VAV3: variants seen among roughly 807,000 people sequenced by gnomAD.
VAV3 encodes the protein guanine nucleotide exchange factor VAV3.
A neutral mutation model predicts 131.2 loss-of-function variants in VAV3; 94 were observed. The observed-to-expected ratio is 0.72, with a 90% CI of 0.61 to 0.85. VAV3 has a LOEUF of 0.85. Among genes scored for constraint, VAV3 ranks in the 40% least tolerant of loss-of-function variants. The pLI, the probability that VAV3 is intolerant of heterozygous loss-of-function variation, is 0.00. For missense variants in VAV3, 939 were observed against 1,002.7 expected (o/e 0.94, Z 0.86); for synonymous variants, 349 against 342.0 (o/e 1.02, Z -0.22).
intron 17 of VAV3, among the ~76,000 whole-genome samples, chr1:107,696,367 C>T (rs1156432921): frequency 6.6e-6 from 1 of 152,194 alleles, no homozygotes; most frequent in Non-Finnish European, 1.5e-5. Context: ...TTATAGTCAG[C>T]CTATAGTGCT....
At chr1:107,687,656 T>G (rs1040261414) in intron 18 of VAV3, among the ~76,000 whole-genome samples, 10 of 152,162 alleles carry the variant, frequency 6.6e-5, no homozygotes, top group Non-Finnish European at 1.3e-4. Flanking sequence ...TGTCTGAAAT[T>G]TTATAATTTT....
chr1:107,681,811 C>A (rs528047679), intron 19 of VAV3, among the ~76,000 whole-genome samples: 3 of 151,938 alleles, frequency 2.0e-5, no homozygotes, highest in Non-Finnish European at 4.4e-5. Flanking sequence ...CCGCCACCAC[C>A]CCCAGCTATT....
intron 1 of VAV3, among the ~76,000 whole-genome samples, chr1:107,898,221 G>A (rs1198551256): frequency 6.6e-6 from 1 of 152,044 alleles, no homozygotes; most frequent in Non-Finnish European, 1.5e-5. Flanking sequence ...ATACATGTAG[G>A]GAATTACACA....
intron 20 of VAV3, among the ~76,000 whole-genome samples, chr1:107,629,752 T>C (rs1487942447): frequency 6.6e-6 from 1 of 152,180 alleles, no homozygotes; most frequent in African/African-American, 2.4e-5. Context: ...AAAATGCAGA[T>C]AGCCCATTCA....
At position 107,681,136 on chromosome 1, in the gene VAV3, C is replaced by T. The variant is rs149890807; in HGVS notation, c.1777+2352G>A. Among the ~76,000 whole-genome samples, 818 of 152,162 alleles carry T rather than the reference C, an allele frequency of 5.4e-3. 10 individuals carry two copies. Among genetic ancestry groups the T allele is most frequent in the African/African-American group, 0.018 (754 of 41,506 alleles). ...TTGGACCTGGTGAAGTAGTTACACC[C>T]GGCCTCCTAAACTCTTTAATCAGTT... is the stretch of plus-strand genomic sequence containing the variant. On this transcript the variant is annotated intron_variant, in intron 19 of 26. Coordinates refer to ENST00000370056, the MANE Select transcript of VAV3 (RefSeq NM_006113.5).
At chr1:107,731,829 A>C (rs10430093) in intron 15 of VAV3, among the ~76,000 whole-genome samples, 1,574 of 152,330 alleles carry the variant, frequency 0.01, 23 homozygotes, top group South Asian at 0.044. Flanking sequence ...TGAATTTATA[A>C]AACTGTATAG....
At position 107,779,472 on chromosome 1, in the gene VAV3, T is replaced by C. The variant is rs1358793302; in HGVS notation, c.342A>G (p.Arg114=). ...CCAATGCTATAGGTGTTCGAGAAAG[T>C]CGTGATAATGTTTCTATAACCTGAG... ...DFGKVIETLS[R]LSRTPIALAT... is the part of the protein sequence containing the mutation. The change falls in exon 3 of 27, where the codon CGA becomes CGG. Residue 114 remains arginine, a synonymous_variant. Transcript: ENST00000370056. 2 of 1,590,160 alleles carry C rather than the reference T, an allele frequency of 1.3e-6. No individual in the cohort carries two copies. The highest frequency in any genetic ancestry group is 2.7e-5 in the African/African-American group (2 of 73,920).
intron 19 of VAV3, among the ~76,000 whole-genome samples, chr1:107,646,240 CAAGA>C (rs1226856357): frequency 6.6e-6 from 1 of 152,000 alleles, no homozygotes; most frequent in Non-Finnish European, 1.5e-5. Context: ...TAAAAAATGA[CAAGA>C]AATACACATT....
intron 25 of VAV3, among the ~76,000 whole-genome samples, chr1:107,591,328 T>C (rs1650932547): frequency 1.3e-5 from 2 of 152,176 alleles, no homozygotes; most frequent in African/African-American, 4.8e-5. Flanking sequence ...CACCAGATTG[T>C]GTATCTTATT....
rs11412324 is a variant in VAV3 at position 107,742,235 on chromosome 1, CT to C, written c.1502+6732del. Among the ~76,000 whole-genome samples, 1,512 of 151,510 alleles carry C rather than the reference CT, an allele frequency of 1.0e-2. 18 individuals are homozygous for C. Among genetic ancestry groups the C allele is most frequent in the Non-Finnish European group, 0.011 (779 of 67,820 alleles). On this transcript the variant is annotated intron_variant, in intron 15 of 26. Transcript: ENST00000370056. ...ATAAGAATGCCACAACTCATCAAGTCTTTTTTTTTCCCACTTGTCTTGGTTG... is the reference window on the plus strand; with the variant it reads ...ATAAGAATGCCACAACTCATCAAGTCTTTTTTTTCCCACTTGTCTTGGTTG...
intron 1 of VAV3, among the ~76,000 whole-genome samples, chr1:107,922,624 G>A (rs942454408): frequency 6.6e-6 from 1 of 152,124 alleles, no homozygotes; most frequent in African/African-American, 2.4e-5. Context: ...TATTAACAGA[G>A]GTGTGACTCA....
intron 15 of VAV3, among the ~76,000 whole-genome samples, chr1:107,728,496 G>A (rs1570841221): frequency 6.6e-6 from 1 of 152,086 alleles, no homozygotes; most frequent in East Asian, 1.9e-4. Flanking sequence ...GAGTGAGGGT[G>A]GGTGGGTGTT....
rs962383059 is a variant in VAV3 at position 107,777,508 on chromosome 1, G to A, written c.381-212C>T. Among the ~76,000 whole-genome samples, 5 of 152,158 alleles carry A rather than the reference G, an allele frequency of 3.3e-5. No homozygotes were observed. In the East Asian group the frequency reaches 9.6e-4, roughly 29 times the overall value. On this transcript the variant is annotated intron_variant, in intron 3 of 26. Coordinates refer to ENST00000370056, the MANE Select transcript of VAV3 (RefSeq NM_006113.5). ...TTCCCCTAGGGAGGCTGTAACACCT[G>A]CCACCTGAAATCATCTGAAGCAATT...
intron 15 of VAV3, among the ~76,000 whole-genome samples, chr1:107,746,398 A>T (rs1353220220): frequency 2.0e-5 from 3 of 152,146 alleles, no homozygotes; most frequent in Non-Finnish European, 4.4e-5. Flanking sequence ...AACAACAAAA[A>T]CTACTTCTAC....
At position 107,718,501 on chromosome 1, in the gene VAV3, G is replaced by A. The variant is rs556953619; in HGVS notation, c.1503-13440C>T. On this transcript the variant is annotated intron_variant, in intron 15 of 26. Transcript: ENST00000370056. ...AATACCTAGGAATCCAACTTACAAG[G>A]GATGTGAAGGATGTCTTCAAGGAGA... 9.2e-5 allele frequency among the ~76,000 whole-genome samples: 14 copies of A among 152,208 alleles called. No individual in the cohort carries two copies. The South Asian group carries it at 2.5e-3, about 27-fold the overall frequency.
At chr1:107,935,516 C>T (rs528432850) in intron 1 of VAV3, among the ~76,000 whole-genome samples, 22 of 152,304 alleles carry the variant, frequency 1.4e-4, no homozygotes, top group Middle Eastern at 6.8e-3. Context: ...GACAAATACA[C>T]AAATTTGGTC....
intron 9 of VAV3, among the ~76,000 whole-genome samples, chr1:107,761,213 C>A (rs1289164482): frequency 6.6e-6 from 1 of 151,894 alleles, no homozygotes; most frequent in Admixed American, 6.6e-5. Flanking sequence ...CATGGTGAAA[C>A]CCCATCTCTA....
Position 107,711,787 on chromosome 1 carries a change from G to A in VAV3, c.1503-6726C>T, listed in dbSNP as rs142018599. ...GGTGCAACCTCTGCCTCCCAGGTTC[G>A]AGCGATTCTCATGCCTCAGCCTCCT... On this transcript the variant is annotated intron_variant, in intron 15 of 26. Coordinates refer to ENST00000370056, the MANE Select transcript of VAV3 (RefSeq NM_006113.5). Among the ~76,000 whole-genome samples the A allele has an allele frequency of 3.3e-4, 50 of 151,976 alleles. No individual in the cohort carries two copies. In the East Asian group the frequency reaches 9.5e-3, roughly 29 times the overall value.
chr1:107,709,403 TAAAGG>T (rs980544551), intron 15 of VAV3, among the ~76,000 whole-genome samples: 20 of 152,140 alleles, frequency 1.3e-4, no homozygotes, highest in Middle Eastern at 3.4e-3. Context: ...ATGGAAGAAG[TAAAGG>T]AAAGATAAGA....
Sources: gnomAD v4.1 joint callset for allele counts (sites outside exome capture counted in the v4.1 genomes callset) on GRCh38, gnomAD v4.1.1 for gene constraint, MANE v1.5 for transcripts, NCBI Gene and HGNC (gene_info 2026-07-23, HGNC 2026-07-21) for gene names.